CRPPA: variants seen among roughly 807,000 people sequenced by gnomAD.
CRPPA encodes CDP-L-ribitol pyrophosphorylase A, also known as D-ribitol-5-phosphate cytidylyltransferase.
CRPPA carries 43 observed loss-of-function variants against 52.0 expected under a neutral mutation model. The ratio of observed to expected loss-of-function variants is 0.83; its 90% CI spans 0.65 to 1.07. CRPPA has a LOEUF of 1.07. Ranked by LOEUF, CRPPA falls within the 50% of genes least tolerant of loss-of-function variation. The pLI is 0.00. For synonymous variants in CRPPA, 250 were observed against 203.5 expected (o/e 1.23, Z -1.94); for missense variants, 629 against 551.7 (o/e 1.14, Z -1.40).
intron 3 of CRPPA, among the ~76,000 whole-genome samples, chr7:16,343,581 C>A (rs1785928788): frequency 6.6e-6 from 1 of 152,160 alleles, no homozygotes; most frequent in Non-Finnish European, 1.5e-5. Flanking sequence ...TTCTTGGAGG[C>A]ATTTGCAAAA....
At chr7:16,250,958 A>G (rs951186025) in intron 8 of CRPPA, among the ~76,000 whole-genome samples, 12 of 152,278 alleles carry the variant, frequency 7.9e-5, no homozygotes, top group East Asian at 3.9e-4. Context: ...AAGAACCATC[A>G]GTGTGCTACA....
chr7:16,140,697 T>C (rs1310290264), intron 9 of CRPPA, among the ~76,000 whole-genome samples: 1 of 152,150 alleles, frequency 6.6e-6, no homozygotes, highest in Non-Finnish European at 1.5e-5. Context: ...AGGTTTGAAT[T>C]TTTTGCAGAC....
intron 9 of CRPPA, among the ~76,000 whole-genome samples, chr7:16,130,825 C>T (rs1252468927): frequency 6.6e-6 from 1 of 152,102 alleles, no homozygotes; most frequent in African/African-American, 2.4e-5. Context: ...GCTTCATGCT[C>T]AGTGAGATGG....
At chr7:16,417,427 T>C (rs532187133) in intron 1 of CRPPA, among the ~76,000 whole-genome samples, 1 of 152,288 alleles carries the variant, frequency 6.6e-6, no homozygotes, top group African/African-American at 2.4e-5. Context: ...AAAGAAAATA[T>C]GGTACGTATA....
At chr7:16,295,967 T>C (rs977668132) in intron 5 of CRPPA, among the ~76,000 whole-genome samples, 1 of 152,052 alleles carries the variant, frequency 6.6e-6, no homozygotes, top group Non-Finnish European at 1.5e-5. Context: ...CCTGAATGAG[T>C]TAAACATTAA....
chr7:16,359,496 G>C (rs1786387898), intron 3 of CRPPA, among the ~76,000 whole-genome samples: 1 of 152,148 alleles, frequency 6.6e-6, no homozygotes, highest in Non-Finnish European at 1.5e-5. Flanking sequence ...TTAACTGTCT[G>C]TTATGTCTAA....
intron 5 of CRPPA, among the ~76,000 whole-genome samples, chr7:16,297,099 T>C (rs1043924221): frequency 1.3e-5 from 2 of 152,164 alleles, no homozygotes; most frequent in Non-Finnish European, 2.9e-5. Context: ...GGACATATCC[T>C]AGAGTCGAGT....
At chr7:16,309,623 T>A (rs1288730821) in intron 3 of CRPPA, among the ~76,000 whole-genome samples, 1 of 152,144 alleles carries the variant, frequency 6.6e-6, no homozygotes, top group Non-Finnish European at 1.5e-5. Flanking sequence ...TTCTTTTTTT[T>A]TTGAGACAGA....
intron 2 of CRPPA, among the ~76,000 whole-genome samples, chr7:16,395,392 G>A (rs1361581038): frequency 1.3e-5 from 2 of 152,142 alleles, no homozygotes; most frequent in Non-Finnish European, 2.9e-5. Context: ...TTATAACAAT[G>A]TACAACAGAA....
At chr7:16,191,358 C>T (rs533645802) in intron 9 of CRPPA, among the ~76,000 whole-genome samples, 2 of 152,136 alleles carry the variant, frequency 1.3e-5, no homozygotes, top group Admixed American at 6.5e-5. Context: ...TTTAGAAATA[C>T]CTTTAAATTA....
chr7:16,245,087 T>C (rs1173943205), intron 8 of CRPPA, among the ~76,000 whole-genome samples: 1 of 151,524 alleles, frequency 6.6e-6, no homozygotes, highest in African/African-American at 2.4e-5. Flanking sequence ...TCTTTCTTGG[T>C]TTAATCTTCC....
At chr7:16,254,845 GAGAAAGAAGA>G (rs1783588461) in intron 8 of CRPPA, among the ~76,000 whole-genome samples, 3 of 142,662 alleles carry the variant, frequency 2.1e-5, no homozygotes, top group African/African-American at 7.8e-5. Flanking sequence ...AAGAAAGAAA[GAGAAAGAAGA>G]AAGAAAGAAA....
Position 16,133,527 on chromosome 7 carries a change from T to G in CRPPA, c.1252-41728A>C, listed in dbSNP as rs547068669. Among the ~76,000 whole-genome samples, 42 of 124,688 alleles carry G rather than the reference T, an allele frequency of 3.4e-4. 4 individuals carry two copies. The highest frequency in any genetic ancestry group is 9.9e-4 in the African/African-American group (38 of 38,502). 81.8% of individuals were successfully genotyped at this position (124,688 alleles called of 152,430 possible). ...TCAGTGGGCTCGAATGTTGCAAGTA[T>G]CTGCTTAAAATGCTGTGTGATGCTA... On this transcript the variant is annotated intron_variant, in intron 9 of 9. Transcript: ENST00000407010.
At chr7:16,265,001 G>T (rs1383863461) in intron 6 of CRPPA, among the ~76,000 whole-genome samples, 4 of 152,288 alleles carry the variant, frequency 2.6e-5, no homozygotes, top group South Asian at 4.1e-4. Flanking sequence ...TTTATATGAG[G>T]ATTGGCTAAG....
At chr7:16,379,332 C>G (rs964781846) in intron 2 of CRPPA, among the ~76,000 whole-genome samples, 10 of 152,148 alleles carry the variant, frequency 6.6e-5, no homozygotes, top group Non-Finnish European at 1.3e-4. Context: ...GGGCTCTGTT[C>G]TGTTCCATTG....
At chr7:16,169,506 GT>G (rs1781134038) in intron 9 of CRPPA, among the ~76,000 whole-genome samples, 1 of 152,144 alleles carries the variant, frequency 6.6e-6, no homozygotes, top group African/African-American at 2.4e-5. Flanking sequence ...CTGTTTTATC[GT>G]TTTACAACAT....
At chr7:16,105,213 G>A (rs1347671163) in intron 9 of CRPPA, among the ~76,000 whole-genome samples, 1 of 152,176 alleles carries the variant, frequency 6.6e-6, no homozygotes, top group African/African-American at 2.4e-5. Context: ...CCGCAGACTG[G>A]AAGAATATCT....
At chr7:16,373,106 C>A (rs1223631202) in intron 3 of CRPPA, among the ~76,000 whole-genome samples, 1 of 152,104 alleles carries the variant, frequency 6.6e-6, no homozygotes, top group Non-Finnish European at 1.5e-5. Flanking sequence ...ACCAGCCTGG[C>A]CAACATGGTG....
chr7:16,273,132 T>A (rs1784126519), intron 6 of CRPPA, among the ~76,000 whole-genome samples: 1 of 114,502 alleles, frequency 8.7e-6, no homozygotes. Flanking sequence ...CATCAAAGGG[T>A]TATTTTAAAG....
Sources: allele counts gnomAD v4.1 joint callset (sites outside exome capture counted in the v4.1 genomes callset), GRCh38; gene constraint gnomAD v4.1.1; transcripts MANE v1.5; gene names NCBI Gene and HGNC (gene_info 2026-07-23, HGNC 2026-07-21).